The following CAB39 variants were observed in gnomAD, a reference collection of about 807,000 sequenced individuals.
CAB39 encodes calcium-binding protein 39.
A neutral mutation model predicts 40.0 loss-of-function variants in CAB39; 8 were observed. The ratio of observed to expected loss-of-function variants is 0.20; its 90% confidence interval spans 0.12 to 0.36. The LOEUF is 0.36. Among genes scored for constraint, CAB39 ranks in the 10% least tolerant of loss-of-function variants. CAB39 has a pLI of 1.00. For synonymous variants in CAB39, 156 were observed against 141.6 expected, an observed-to-expected ratio of 1.10 and a Z score of -0.72; for missense variants, 270 against 401.1, an observed-to-expected ratio of 0.67 and a Z score of 2.79.
intron 5 of CAB39, among the ~76,000 whole-genome samples, chr2:230,802,667 A>G (rs1349662952): frequency 2.6e-5 from 4 of 152,258 alleles, no homozygotes; most frequent in African/African-American, 9.6e-5. Flanking sequence ...GAAGAAATGG[A>G]TAAATTCCTG....
chr2:230,776,933 C>T (rs369398433), intron 2 of CAB39, among the ~76,000 whole-genome samples: 2 of 152,172 alleles, frequency 1.3e-5, no homozygotes, highest in East Asian at 1.9e-4. Flanking sequence ...ATGATCCGCC[C>T]GCCTCAGCCT....
intron 1 of CAB39, among the ~76,000 whole-genome samples, chr2:230,731,313 C>T (rs1433855246): frequency 6.6e-6 from 1 of 152,128 alleles, no homozygotes; most frequent in Admixed American, 6.5e-5. Context: ...CTGGTAGGGC[C>T]TTTCTGGGAA....
intron 1 of CAB39, among the ~76,000 whole-genome samples, chr2:230,746,327 A>G (rs1310874457): frequency 6.6e-6 from 1 of 152,208 alleles, no homozygotes; most frequent in Admixed American, 6.5e-5. Flanking sequence ...GTGTTCGCAG[A>G]CATTGGGTTA....
At chr2:230,784,060 G>A (rs1204150105) in intron 2 of CAB39, among the ~76,000 whole-genome samples, 9 of 152,184 alleles carry the variant, frequency 5.9e-5, no homozygotes, top group African/African-American at 1.9e-4. Flanking sequence ...GTCAGTACAC[G>A]ATATATTAAT....
chr2:230,754,332 CTTCCTTCCTCT>C (rs1695144463), intron 1 of CAB39, among the ~76,000 whole-genome samples: 1 of 88,872 alleles, frequency 1.1e-5, no homozygotes, highest in African/African-American at 1.0e-4. Context: ...CTTCCTTCTT[CTTCCTTCCTCT>C]TCTTCCTTCC....
At chr2:230,719,067 T>G (rs189067872) in intron 1 of CAB39, among the ~76,000 whole-genome samples, 1 of 152,240 alleles carries the variant, frequency 6.6e-6, no homozygotes, top group African/African-American at 2.4e-5. Flanking sequence ...TATACTAATA[T>G]TCATAATATT....
intron 1 of CAB39, among the ~76,000 whole-genome samples, chr2:230,720,191 CA>C (rs1337919988): frequency 6.6e-6 from 1 of 151,978 alleles, no homozygotes; most frequent in African/African-American, 2.4e-5. Flanking sequence ...AAAACATTAA[CA>C]AAAGGCAATG....
At chr2:230,767,781 T>A (rs1695413627) in intron 2 of CAB39, among the ~76,000 whole-genome samples, 1 of 152,196 alleles carries the variant, frequency 6.6e-6, no homozygotes, top group African/African-American at 2.4e-5. Flanking sequence ...CACATTGGTC[T>A]CCTTTCCTCA....
In CAB39 at chr2:230,818,587, A is replaced by G. The variant is rs778471813; in HGVS notation, c.909A>G (p.Ile303Met). 5.0e-6 allele frequency: 8 copies of G among 1,614,006 alleles called. No homozygotes were observed. In the Middle Eastern group the frequency reaches 4.9e-4, roughly 99 times the overall value. ...TCCTCAAGAACCAGGCCAAACTCATAGAGTTCCTCAGCAAGTTTCAGAACG... is the reference window on the plus strand; with the variant it reads ...TCCTCAAGAACCAGGCCAAACTCATGGAGTTCCTCAGCAAGTTTCAGAACG... ...DILLKNQAKL[I>M]EFLSKFQNDR... The change falls in exon 9 of 9, where the codon ATA (isoleucine) becomes ATG (methionine). Residue 303 changes from isoleucine (I) to methionine (M), a missense_variant. Transcript: ENST00000258418.
At chr2:230,746,653 C>G (rs1208556680) in intron 1 of CAB39, among the ~76,000 whole-genome samples, 1 of 152,146 alleles carries the variant, frequency 6.6e-6, no homozygotes, top group Non-Finnish European at 1.5e-5. Flanking sequence ...ATTATAGGCA[C>G]TTTGCTAGAT....
chr2:230,725,275 G>T (rs543006524), intron 1 of CAB39: 1 of 1,576,444 alleles, frequency 6.3e-7, no homozygotes, highest in Non-Finnish European at 8.7e-7. Flanking sequence ...CAAGGACAAC[G>T]TAGGCCTTGT....
At chr2:230,719,912 C>CT (rs1174734038) in intron 1 of CAB39, among the ~76,000 whole-genome samples, 1 of 152,160 alleles carries the variant, frequency 6.6e-6, no homozygotes, top group Non-Finnish European at 1.5e-5. Context: ...GTGCTTTAAC[C>CT]TTTTTTCTCC....
Position 230,798,866 on chromosome 2 carries a change from A to G in CAB39, c.536A>G (p.Asp179Gly), listed in dbSNP as rs1423517956. ...FFRYVEMSTF[D>G]IASDAFATFK... ...AGATATGTCGAAATGTCAACATTTG[A>G]CATAGCTTCAGATGCATTTGCCACA... Residue 179 changes from aspartate (D) to glycine (G), a missense_variant, in exon 5 of 9, where the codon GAC (aspartate) becomes GGC (glycine). By Grantham distance (94) the Asp-to-Gly change is moderately conservative. Coordinates refer to ENST00000258418, the MANE Select transcript of CAB39 (RefSeq NM_016289.4). 1 of 1,604,144 alleles carries G rather than the reference A, an allele frequency of 6.2e-7. No individual in the cohort carries two copies. Among genetic ancestry groups the G allele is most frequent in the Admixed American group, 1.7e-5 (1 of 59,312 alleles).
intron 1 of CAB39, among the ~76,000 whole-genome samples, chr2:230,755,464 C>A (rs1044174920): frequency 1.3e-5 from 2 of 151,934 alleles, no homozygotes; most frequent in Non-Finnish European, 2.9e-5. Flanking sequence ...CTGTTTATGT[C>A]CTTAGCCCAC....
At chr2:230,799,166 A>G (rs773234754) in intron 5 of CAB39, 2 of 354,018 alleles carry the variant, frequency 5.6e-6, no homozygotes, top group East Asian at 4.7e-5. Flanking sequence ...TAAGTATGGT[A>G]TACTGTACAG....
intron 2 of CAB39, chr2:230,779,023 T>C (rs1695643458): frequency 6.6e-6 from 1 of 152,210 alleles, no homozygotes; most frequent in African/African-American, 2.4e-5. Context: ...GATACTGTTA[T>C]TAGTGAGGTG....
At chr2:230,757,134 G>A (rs1695206850) in intron 1 of CAB39, among the ~76,000 whole-genome samples, 1 of 151,984 alleles carries the variant, frequency 6.6e-6, no homozygotes, top group Admixed American at 6.6e-5. Context: ...TTAAGTCAGG[G>A]CCTTACTCTG....
chr2:230,797,648 A>G (rs1028770011), intron 4 of CAB39, among the ~76,000 whole-genome samples: 1 of 152,000 alleles, frequency 6.6e-6, no homozygotes, highest in Non-Finnish European at 1.5e-5. Flanking sequence ...AGGAGTAGAC[A>G]TGGAGGTGGG....
chr2:230,791,718 C>T lies in CAB39; in HGVS notation c.279+682C>T, dbSNP rs774282815. Among the ~76,000 whole-genome samples, 28 of 152,294 alleles carry T rather than the reference C, an allele frequency of 1.8e-4. 1 individual carries two copies. Among genetic ancestry groups the T allele is most frequent in the Admixed American group, 1.6e-3 (25 of 15,300 alleles). On this transcript the variant is annotated intron_variant, in intron 3 of 8. Coordinates refer to ENST00000258418, the MANE Select transcript of CAB39 (RefSeq NM_016289.4). ...ACAGCTTGCTCCTCCTGTCTCAGGGCCCATTTGCATCTCCTGCCCAGCCCT... is the reference window on the plus strand; with the variant it reads ...ACAGCTTGCTCCTCCTGTCTCAGGGTCCATTTGCATCTCCTGCCCAGCCCT...
Sources: allele counts gnomAD v4.1 joint callset (sites outside exome capture counted in the v4.1 genomes callset), GRCh38; gene constraint gnomAD v4.1.1; transcripts MANE v1.5; gene names NCBI Gene and HGNC (gene_info 2026-07-23, HGNC 2026-07-21).